The following TCP10L variants were observed in gnomAD, a reference collection of about 807,000 sequenced individuals.
TCP10L encodes the protein t-complex 10 like, also known as T-complex protein 10A homolog 1.
A neutral mutation model predicts 19.2 loss-of-function variants in TCP10L; 11 were observed. That is an observed-to-expected ratio of 0.57 (90% CI 0.36 to 0.95). The LOEUF is 0.95. TCP10L is among the 40% of genes least tolerant of loss of function. The pLI is 0.01. For missense variants in TCP10L, 247 were observed against 263.9 expected (o/e 0.94, Z 0.44); for synonymous variants, 96 against 97.2 (o/e 0.99, Z 0.07).
chr21:32,585,216 A>G (rs558098133), intron 1 of TCP10L, among the ~76,000 whole-genome samples: 1 of 152,362 alleles, frequency 6.6e-6, no homozygotes, highest in South Asian at 2.1e-4. Context: ...ACCAGTAACC[A>G]GATCACTGCC....
In TCP10L at chr21:32,578,862, C is replaced by A. The variant is rs776942101; in HGVS notation, c.361-31G>T. 1.2e-6 allele frequency: 2 copies of A among 1,612,804 alleles called. No individual in the cohort carries two copies. The highest frequency in any genetic ancestry group is 1.3e-5 in the African/African-American group (1 of 74,788). ...AGACAAAATGCAGGGAAATTCTTCA[C>A]ATTTTCGAAGGTAAAATAAATTCAA... On this transcript the variant is annotated intron_variant, in intron 3 of 4. Transcript: ENST00000300258. This position sits in a 1 kb window ranked among gnomAD's most constrained non-coding sequence, Gnocchi z 4.2.
chr21:32,584,002 G>A (rs1032560678), intron 2 of TCP10L, among the ~76,000 whole-genome samples, 159 bp downstream of exon 2: 3 of 152,190 alleles, frequency 2.0e-5, no homozygotes, highest in Non-Finnish European at 4.4e-5. Context: ...GAGGGGGAAA[G>A]AGCCACATGC....
rs145187250 is a variant in TCP10L, at chr21:32,582,209, C to T, written c.351G>A (p.Ser117=). The T allele has an allele frequency of 1.9e-5, 30 of 1,613,820 alleles. No individual in the cohort carries two copies. In the African/African-American group the frequency reaches 2.4e-4, roughly 13 times the overall value. The change falls in exon 3 of 5, where the codon TCG becomes TCA. Residue 117 remains serine, a synonymous_variant. Coordinates refer to ENST00000300258, the MANE Select transcript of TCP10L (RefSeq NM_144659.7). The surrounding 1 kb of genome is among the most constrained non-coding windows in gnomAD (Gnocchi z 4.2). The part of the protein sequence containing the change: ...SAASPHAGQE[S]HTLALEPAFG... ...AATGCGCTTTTGGTACCAGAGTGTG[C>T]GATTCTTGCCCCGCGTGTGGGGACG...
chr21:32,580,656 T>C (rs1263484964), intron 3 of TCP10L, among the ~76,000 whole-genome samples: 1 of 152,210 alleles, frequency 6.6e-6, no homozygotes, highest in African/African-American at 2.4e-5. Flanking sequence ...TTGGAGGGTG[T>C]TCATGTGGTT....
Position 32,575,975 on chromosome 21 carries a change from C to A in TCP10L, c.*799G>T. 3.9e-6 allele frequency: 1 copy of A among 257,506 alleles called. No homozygotes were observed. 16.0% of individuals were successfully genotyped at this position (257,506 alleles called of 1,614,324 possible). A position where few individuals can be genotyped will look rare whatever the true frequency, so the allele number is the denominator to read the frequency against. ...AGTGACCGCTAGGATTCGGAATCTC[C>A]AGTCACGGCCCCTGGAGACCGGCAT... is the stretch of plus-strand genomic sequence containing the variant. On this transcript the variant is annotated 3_prime_UTR_variant, in exon 5 of 5. Transcript: ENST00000300258.
chr21:32,582,594 CTTTCT>C lies in TCP10L; in HGVS notation c.145-184_145-180del, dbSNP rs1207875825. 6.6e-6 allele frequency among the ~76,000 whole-genome samples: 1 copy of C among 152,056 alleles called. No homozygotes were observed. Among genetic ancestry groups the C allele is most frequent in the Non-Finnish European group, 1.5e-5 (1 of 68,004 alleles). ...TCTTTCTTCTTTCTTTCCTTTCTTTCTTTCTTTTCTTTTCTTTTTTCAGGGTCTCA... is the reference window on the plus strand; with the variant it reads ...TCTTTCTTCTTTCTTTCCTTTCTTTCTTTCTTTTCTTTTTTCAGGGTCTCA... On this transcript the variant is annotated intron_variant, in intron 2 of 4. Coordinates refer to ENST00000300258, the MANE Select transcript of TCP10L (RefSeq NM_144659.7). This position sits in a 1 kb window ranked among gnomAD's most constrained non-coding sequence, Gnocchi z 4.2.
At chr21:32,584,017 T>G in intron 2 of TCP10L, 144 bp downstream of exon 2, 2 of 1,120,188 alleles carry the variant, frequency 1.8e-6, no homozygotes, top group Non-Finnish European at 2.4e-6. Context: ...ACATGCCCCT[T>G]GGAGAGGAAG....
chr21:32,576,996 T>C (rs1015048), intron 4 of TCP10L, 73 bp from the exon 5 acceptor site: 269,621 of 1,451,440 alleles, frequency 0.19, 25,912 homozygotes, highest in East Asian at 0.31. Flanking sequence ...CAACACATCA[T>C]ACCAGCTATC....
rs1304912780 is a variant in TCP10L, at chr21:32,574,692, GTTAAAT to G, written c.*2076_*2081del. 2 of 171,226 alleles carry G rather than the reference GTTAAAT, an allele frequency of 1.2e-5. No homozygotes were observed. Among genetic ancestry groups the G allele is most frequent in the African/African-American group, 2.4e-5 (1 of 41,720 alleles). The allele number at this position is 171,226 out of a possible 1,614,324, so 10.6% of individuals were successfully genotyped here. On this transcript the variant is annotated 3_prime_UTR_variant, in exon 5 of 5. Transcript: ENST00000300258. Reference sequence around the variant, plus strand: ...GAGCTTCCGTCTAAAAAGCAAATAAGTTAAATTTAAAAGGATAGTGTATATACATTG... The same window carrying G: ...GAGCTTCCGTCTAAAAAGCAAATAAGTTAAAAGGATAGTGTATATACATTG...
At chr21:32,584,009 A>G (rs2146530317) in intron 2 of TCP10L, 152 bp downstream of exon 2, 1 of 1,028,158 alleles carries the variant, frequency 9.7e-7, no homozygotes, top group South Asian at 2.6e-5. Context: ...AAAGAGCCAC[A>G]TGCCCCTTGG....
intron 1 of TCP10L, among the ~76,000 whole-genome samples, chr21:32,584,590 G>C (rs961359643): frequency 5.3e-5 from 8 of 152,190 alleles, no homozygotes; most frequent in Non-Finnish European, 1.0e-4. Flanking sequence ...GTCATCCAAA[G>C]AGGGGTGTGA....
chr21:32,575,659 C>T lies in TCP10L; in HGVS notation c.*1115G>A, dbSNP rs914802653. The T allele has an allele frequency of 6.5e-6, 1 of 153,220 alleles. No homozygotes were observed. The highest frequency in any genetic ancestry group is 1.5e-5 in the Non-Finnish European group (1 of 68,490). 9.5% of individuals were successfully genotyped at this position (153,220 alleles called of 1,614,324 possible). On this transcript the variant is annotated 3_prime_UTR_variant, in exon 5 of 5. Coordinates refer to ENST00000300258, the MANE Select transcript of TCP10L (RefSeq NM_144659.7). Reference sequence around the variant, plus strand: ...TACCAAGATAGGTTCCTGCAGAGGTCGTGAAGCTGCTGTGGTCATTTGCTG... The same window carrying T: ...TACCAAGATAGGTTCCTGCAGAGGTTGTGAAGCTGCTGTGGTCATTTGCTG...
intron 3 of TCP10L, among the ~76,000 whole-genome samples, chr21:32,580,476 C>G (rs866816495): frequency 4.4e-5 from 6 of 137,236 alleles, no homozygotes; most frequent in African/African-American, 1.1e-4. Flanking sequence ...CGGTGGGTGC[C>G]TGTGTGTGTG....
intron 3 of TCP10L, among the ~76,000 whole-genome samples, chr21:32,581,540 C>G (rs1163717307): frequency 2.0e-5 from 3 of 152,288 alleles, no homozygotes; most frequent in South Asian, 4.1e-4. Context: ...AAACATTCAC[C>G]CCCAGACACT....
chr21:32,579,867 T>C (rs1481613623), intron 3 of TCP10L, among the ~76,000 whole-genome samples: 1 of 152,056 alleles, frequency 6.6e-6, no homozygotes, highest in Non-Finnish European at 1.5e-5. Context: ...CGGCCAGTAT[T>C]TGTGGCAATT....
chr21:32,576,782 C>G lies in TCP10L; in HGVS notation c.640G>C (p.Gly214Arg), dbSNP rs150621487. The change falls in exon 5 of 5, where the codon GGT becomes CGT. Residue 214 changes from glycine to arginine, a missense_variant. Physicochemically the swap from Gly to Arg is moderately radical, Grantham distance 125. Coordinates refer to ENST00000300258, the MANE Select transcript of TCP10L (RefSeq NM_144659.7). The part of the protein sequence containing the change: ...RPTPCAERRG[G>R]V Reference sequence around the variant, plus strand: ...AGGCCACCTTTCCATCTTCAGACACCCCCCCGTCTCTCTGCACAGGGAGTT... The same window carrying G: ...AGGCCACCTTTCCATCTTCAGACACGCCCCCGTCTCTCTGCACAGGGAGTT... The G allele has an allele frequency of 5.0e-6, 8 of 1,612,870 alleles. No homozygotes were observed. The East Asian group carries it at 1.3e-4, about 27-fold the overall frequency.
chr21:32,576,299 G>T lies in TCP10L; in HGVS notation c.*475C>A, dbSNP rs1382385986. The T allele has an allele frequency of 3.2e-6, 5 of 1,568,416 alleles. No homozygotes were observed. Among genetic ancestry groups the T allele is most frequent in the Non-Finnish European group, 4.4e-6 (5 of 1,146,168 alleles). The stretch of plus-strand genomic sequence containing the variant: ...GATTTTCTGCCACTCAAGTTTTGCA[G>T]ACTTCGGGAAGATGGATGCATAGCC... On this transcript the variant is annotated 3_prime_UTR_variant, in exon 5 of 5. Transcript: ENST00000300258.
rs944267153 is a variant in TCP10L at position 32,578,568 on chromosome 21, C to G, written c.498+126G>C. ...ATGTACCCGTGTCCTTGGAAGAACA[C>G]AGGACTCCAGGGAGCACCATGCTCA... On this transcript the variant is annotated intron_variant, in intron 4 of 4. Coordinates refer to ENST00000300258, the MANE Select transcript of TCP10L (RefSeq NM_144659.7). This position sits in a 1 kb window ranked among gnomAD's most constrained non-coding sequence, Gnocchi z 4.2. 1.4e-6 allele frequency: 2 copies of G among 1,400,972 alleles called. No homozygotes were observed. Among genetic ancestry groups the G allele is most frequent in the African/African-American group, 2.9e-5 (2 of 69,324 alleles). 86.8% of individuals were successfully genotyped at this position (1,400,972 alleles called of 1,614,324 possible). A position where few individuals can be genotyped will look rare whatever the true frequency, so the allele number is the denominator to read the frequency against.
intron 1 of TCP10L, among the ~76,000 whole-genome samples, 187 bp downstream of exon 1, chr21:32,585,234 C>T (rs2833917): frequency 0.2 from 31,026 of 152,124 alleles, 3,233 homozygotes; most frequent in East Asian, 0.28. Flanking sequence ...GCCATTCCTT[C>T]CCCGCGGAGA....
Sources: gnomAD v4.1 joint callset for allele counts (sites outside exome capture counted in the v4.1 genomes callset) on GRCh38, gnomAD v4.1.1 for gene constraint, Gnocchi (gnomAD v3.1) non-coding constraint, MANE v1.5 for transcripts, NCBI Gene and HGNC (gene_info 2026-07-23, HGNC 2026-07-21) for gene names.